Variants in MSRA observed in about 807,000 individuals in gnomAD.
MSRA encodes methionine sulfoxide reductase A.
MSRA carries 54 observed loss-of-function variants against 31.3 expected under a neutral mutation model. The ratio of observed to expected loss-of-function variants is 1.73; its 90% CI spans 1.39 to 2.17. The LOEUF (loss-of-function observed/expected upper bound fraction) is 2.17, where lower values mean the gene tolerates loss of function less well. Among genes scored for constraint, MSRA ranks in the 30% most tolerant of loss-of-function variants. The pLI, the probability that MSRA is intolerant of heterozygous loss-of-function variation, is 0.00. For missense variants in MSRA, 507 were observed against 300.9 expected (o/e 1.69, Z -5.07); for synonymous variants, 169 against 116.5 (o/e 1.45, Z -2.90).
At chr8:10,235,944 C>G (rs755180274) in intron 2 of MSRA, among the ~76,000 whole-genome samples, 6 of 152,066 alleles carry the variant, frequency 3.9e-5, no homozygotes, top group African/African-American at 9.7e-5. Flanking sequence ...TTAAAATGCT[C>G]TATGAGTAGG....
At chr8:10,300,748 G>T (rs371026164) in intron 3 of MSRA, among the ~76,000 whole-genome samples, 1 of 152,118 alleles carries the variant, frequency 6.6e-6, no homozygotes, top group Non-Finnish European at 1.5e-5. Context: ...ATATAGCCTA[G>T]TGATCTTAGT....
chr8:10,106,766 A>G (rs1197473384), intron 1 of MSRA, among the ~76,000 whole-genome samples: 2 of 152,060 alleles, frequency 1.3e-5, no homozygotes, highest in South Asian at 4.2e-4. Flanking sequence ...TAGCCTCTCC[A>G]TACACCCTTG....
chr8:10,425,323 T>G, intron 5 of MSRA, among the ~76,000 whole-genome samples: 1 of 151,304 alleles, frequency 6.6e-6, no homozygotes. Context: ...GCCTTGGAGG[T>G]TTTTCTTAGT....
chr8:10,411,180 G>A (rs1397098933), intron 5 of MSRA: 3 of 152,186 alleles, frequency 2.0e-5, no homozygotes, highest in African/African-American at 7.2e-5. Flanking sequence ...CGCCTGCTTG[G>A]AAGTTGAGAT....
At chr8:10,099,109 G>C (rs1248487081) in intron 1 of MSRA, among the ~76,000 whole-genome samples, 1 of 150,288 alleles carries the variant, frequency 6.7e-6, no homozygotes, top group East Asian at 1.9e-4. Flanking sequence ...ATGTTTGTGA[G>C]TGAGAGAGAG....
chr8:10,164,409 A>G (rs1253451417), intron 1 of MSRA, among the ~76,000 whole-genome samples: 1 of 152,188 alleles, frequency 6.6e-6, no homozygotes, highest in African/African-American at 2.4e-5. Context: ...CTCCAAGCTA[A>G]TGCTGTTCGG....
intron 1 of MSRA, among the ~76,000 whole-genome samples, chr8:10,172,775 G>T (rs570275282): frequency 1.3e-5 from 2 of 152,318 alleles, no homozygotes; most frequent in East Asian, 3.9e-4. Flanking sequence ...CAGGTTGCCT[G>T]TAGCTCACCC....
intron 4 of MSRA, among the ~76,000 whole-genome samples, chr8:10,311,554 C>A (rs981739395): frequency 6.6e-6 from 1 of 152,126 alleles, no homozygotes; most frequent in Non-Finnish European, 1.5e-5. Flanking sequence ...GGATTAAAAT[C>A]ATGTAGCTTT....
chr8:10,384,146 G>T (rs1316239679), intron 5 of MSRA, among the ~76,000 whole-genome samples: 1 of 152,146 alleles, frequency 6.6e-6, no homozygotes, highest in Non-Finnish European at 1.5e-5. Flanking sequence ...GAGCCTGACG[G>T]GTGACGTATA....
intron 1 of MSRA, among the ~76,000 whole-genome samples, chr8:10,121,576 GA>G (rs1801110898): frequency 2.6e-5 from 4 of 152,178 alleles, no homozygotes; most frequent in Admixed American, 1.3e-4. Flanking sequence ...CTTTTGGCCA[GA>G]ATTGCCATTT....
chr8:10,208,863 A>G (rs1809241999), intron 2 of MSRA, among the ~76,000 whole-genome samples: 1 of 152,214 alleles, frequency 6.6e-6, no homozygotes, highest in Non-Finnish European at 1.5e-5. Context: ...AGGGTACAAA[A>G]CTGCTTTGAA....
intron 4 of MSRA, among the ~76,000 whole-genome samples, chr8:10,302,885 G>C (rs1188280772): frequency 6.6e-6 from 1 of 152,210 alleles, no homozygotes; most frequent in African/African-American, 2.4e-5. Flanking sequence ...ACTCTAATCA[G>C]AAGGTTCACG....
chr8:10,275,262 T>C (rs1427029374), intron 3 of MSRA, among the ~76,000 whole-genome samples: 1 of 152,196 alleles, frequency 6.6e-6, no homozygotes. Flanking sequence ...GCAAGATAAT[T>C]CCATACGATC....
At chr8:10,335,250 G>GTTTT (rs1170264568) in intron 5 of MSRA, among the ~76,000 whole-genome samples, 2,251 of 79,664 alleles carry the variant, frequency 0.028, 77 homozygotes, top group African/African-American at 0.059. Flanking sequence ...TCCCAGCTCT[G>GTTTT]TTTTTTTTTT....
At chr8:10,080,649 C>G (rs983642397) in intron 1 of MSRA, among the ~76,000 whole-genome samples, 1 of 151,780 alleles carries the variant, frequency 6.6e-6, no homozygotes, top group Admixed American at 6.6e-5. Flanking sequence ...ACTCAGCCTC[C>G]TTAGTGGCTG....
In MSRA at chr8:10,412,670, C is replaced by G. The variant is rs1237195513; in HGVS notation, c.544-15478C>G. 2.0e-5 allele frequency among the ~76,000 whole-genome samples: 3 copies of G among 152,162 alleles called. No homozygotes were observed. The South Asian group carries it at 6.2e-4, about 32-fold the overall frequency. Reference sequence around the variant, plus strand: ...ACACTTCACCAAAGAAGTCCCTTCACCTACAGGATGCCTTTGTATACAGAA... The same window carrying G: ...ACACTTCACCAAAGAAGTCCCTTCAGCTACAGGATGCCTTTGTATACAGAA... On this transcript the variant is annotated intron_variant, in intron 5 of 5. Transcript: ENST00000317173.
At chr8:10,085,349 G>A (rs56222141) in intron 1 of MSRA, among the ~76,000 whole-genome samples, 1 of 152,126 alleles carries the variant, frequency 6.6e-6, no homozygotes, top group East Asian at 1.9e-4. Flanking sequence ...CTGGCTCCAG[G>A]CCTCTCTTCT....
At chr8:10,140,926 CAG>C (rs1802650511) in intron 1 of MSRA, among the ~76,000 whole-genome samples, 1 of 152,042 alleles carries the variant, frequency 6.6e-6, no homozygotes, top group Non-Finnish European at 1.5e-5. Context: ...ATCAAGGACT[CAG>C]AGTGAGACAC....
At chr8:10,390,704 C>G (rs1474943584) in intron 5 of MSRA, among the ~76,000 whole-genome samples, 7 of 152,092 alleles carry the variant, frequency 4.6e-5, no homozygotes, top group African/African-American at 1.2e-4. Flanking sequence ...TGTGTATTAC[C>G]TCATTTAACC....
Sources: allele counts gnomAD v4.1 joint callset (sites outside exome capture counted in the v4.1 genomes callset), GRCh38; gene constraint gnomAD v4.1.1; transcripts MANE v1.5; gene names NCBI Gene and HGNC (gene_info 2026-07-23, HGNC 2026-07-21).